PLPPR1: variants seen among roughly 807,000 people sequenced by gnomAD.
PLPPR1 encodes the protein phospholipid phosphatase related 1.
A neutral mutation model predicts 33.1 loss-of-function variants in PLPPR1; 10 were observed. The observed-to-expected ratio is 0.30, with a 90% CI of 0.19 to 0.51. The LOEUF (loss-of-function observed/expected upper bound fraction) is 0.51, where lower values mean the gene tolerates loss of function less well. Ranked by LOEUF, PLPPR1 falls within the 20% of genes least tolerant of loss-of-function variation. PLPPR1 has a pLI of 0.97. For missense variants in PLPPR1, 304 were observed against 408.1 expected, an observed-to-expected ratio of 0.74 and a Z score of 2.20; for synonymous variants, 151 against 151.0, an observed-to-expected ratio of 1.00 and a Z score of 0.00.
intron 5 of PLPPR1, among the ~76,000 whole-genome samples, chr9:101,310,047 G>T (rs764616577): frequency 6.6e-6 from 1 of 152,098 alleles, no homozygotes. Flanking sequence ...CCCCCAGATC[G>T]CACAGCCATT....
At chr9:101,126,512 C>T (rs1831248226) in intron 1 of PLPPR1, among the ~76,000 whole-genome samples, 1 of 152,186 alleles carries the variant, frequency 6.6e-6, no homozygotes, top group South Asian at 2.1e-4. Context: ...TGTAAGGGCA[C>T]TGACTGTGCC....
At chr9:101,089,215 A>C (rs1012506233) in intron 1 of PLPPR1, among the ~76,000 whole-genome samples, 2 of 152,148 alleles carry the variant, frequency 1.3e-5, no homozygotes, top group African/African-American at 4.8e-5. Context: ...TTCTCATTTT[A>C]CAGATTATTA....
chr9:101,208,017 C>G (rs1826620873), intron 2 of PLPPR1, among the ~76,000 whole-genome samples: 1 of 152,188 alleles, frequency 6.6e-6, no homozygotes, highest in African/African-American at 2.4e-5. Flanking sequence ...TCTGGTAACA[C>G]TGGGATCACA....
In PLPPR1 at chr9:101,265,791, T is replaced by A. The variant is rs185290266; in HGVS notation, c.64-4089T>A. ...GCAGGCGGATCACGAGGTCAGAAGT[T>A]CGAGGCCAGCCTGGCCAACATAGTG... On this transcript the variant is annotated intron_variant, in intron 2 of 7. Transcript: ENST00000374874. Among the ~76,000 whole-genome samples the A allele has an allele frequency of 8.0e-5, 12 of 150,462 alleles. No individual in the cohort carries two copies. In the East Asian group the frequency reaches 2.4e-3, roughly 31 times the overall value.
intron 2 of PLPPR1, among the ~76,000 whole-genome samples, chr9:101,199,142 C>T (rs1242718586): frequency 6.6e-6 from 1 of 152,158 alleles, no homozygotes; most frequent in Admixed American, 6.5e-5. Context: ...GTCATGGCCC[C>T]AGTGCTCTCA....
intron 1 of PLPPR1, among the ~76,000 whole-genome samples, chr9:101,148,859 A>G (rs1195017931): frequency 6.6e-6 from 1 of 151,830 alleles, no homozygotes; most frequent in Non-Finnish European, 1.5e-5. Context: ...CTTTATTCCC[A>G]CAATTCCGTC....
chr9:101,075,385 T>C (rs1402580931), intron 1 of PLPPR1, among the ~76,000 whole-genome samples: 1 of 152,258 alleles, frequency 6.6e-6, no homozygotes, highest in Non-Finnish European at 1.5e-5. Context: ...CTATATTCAT[T>C]CTCTGATTAG....
At chr9:101,146,370 C>T (rs1831522005) in intron 1 of PLPPR1, among the ~76,000 whole-genome samples, 1 of 152,138 alleles carries the variant, frequency 6.6e-6, no homozygotes. Context: ...TATAAGGATA[C>T]CTGATATTAA....
rs770611688 is a variant in PLPPR1 at position 101,185,561 on chromosome 9, T to C, written c.63+4T>C. 28 of 1,595,296 alleles carry C rather than the reference T, an allele frequency of 1.8e-5. No individual in the cohort carries two copies. The highest frequency in any genetic ancestry group is 3.4e-5 in the Admixed American group (2 of 58,938). ...CCCGTGTTTTATATTTGTTGAGGTA[T>C]GTGTATTTTTTAACCTTTATGGACA... On this transcript the variant is annotated splice_donor_region_variant and intron_variant, in intron 2 of 7. Transcript: ENST00000374874.
intron 7 of PLPPR1, among the ~76,000 whole-genome samples, chr9:101,319,998 C>A: frequency 6.6e-6 from 1 of 152,158 alleles, no homozygotes; most frequent in East Asian, 1.9e-4. Flanking sequence ...TCTCTTAATT[C>A]TCAGGGCCAC....
At chr9:101,206,367 A>G (rs1318338825) in intron 2 of PLPPR1, among the ~76,000 whole-genome samples, 4 of 152,192 alleles carry the variant, frequency 2.6e-5, no homozygotes, top group Non-Finnish European at 5.9e-5. Flanking sequence ...TCCTTTGAGT[A>G]CAGATTATGC....
chr9:101,301,158 A>G (rs1828744159), intron 4 of PLPPR1, among the ~76,000 whole-genome samples: 1 of 152,220 alleles, frequency 6.6e-6, no homozygotes. Flanking sequence ...ATCATGAGTA[A>G]TTACAATGAC....
At chr9:101,204,549 C>T (rs931673782) in intron 2 of PLPPR1, among the ~76,000 whole-genome samples, 5 of 151,998 alleles carry the variant, frequency 3.3e-5, no homozygotes, top group East Asian at 1.9e-4. Context: ...CTGCTGTTTC[C>T]GTATATTGAG....
At chr9:101,036,888 G>A (rs377756162) in intron 1 of PLPPR1, among the ~76,000 whole-genome samples, 22 of 152,198 alleles carry the variant, frequency 1.4e-4, no homozygotes, top group African/African-American at 3.9e-4. Flanking sequence ...TTTGACAGCT[G>A]AGTAAACCAA....
intron 1 of PLPPR1, among the ~76,000 whole-genome samples, chr9:101,084,589 A>G (rs571383560): frequency 6.6e-6 from 1 of 152,238 alleles, no homozygotes; most frequent in Admixed American, 6.5e-5. Flanking sequence ...CCAGAGCTTC[A>G]TAGAGGGAGT....
chr9:101,076,318 A>G (rs1165479087), intron 1 of PLPPR1, among the ~76,000 whole-genome samples: 1 of 152,100 alleles, frequency 6.6e-6, no homozygotes, highest in Non-Finnish European at 1.5e-5. Context: ...CAAGCAAAAG[A>G]CTGAAATAAT....
At chr9:101,108,113 G>C (rs533130166) in intron 1 of PLPPR1, among the ~76,000 whole-genome samples, 1 of 146,752 alleles carries the variant, frequency 6.8e-6, no homozygotes, top group Non-Finnish European at 1.5e-5. Flanking sequence ...CGTCTTCTGC[G>C]TCGCTCACGC....
At chr9:101,199,787 T>C (rs1371809303) in intron 2 of PLPPR1, among the ~76,000 whole-genome samples, 1 of 152,204 alleles carries the variant, frequency 6.6e-6, no homozygotes, top group South Asian at 2.1e-4. Context: ...ACTAGCACAC[T>C]TTTTTCATAC....
chr9:101,210,283 A>T (rs1826666781), intron 2 of PLPPR1, among the ~76,000 whole-genome samples: 1 of 152,238 alleles, frequency 6.6e-6, no homozygotes, highest in Non-Finnish European at 1.5e-5. Context: ...TGCAGAGATC[A>T]TCTGGTATAA....
Sources: allele counts gnomAD v4.1 joint callset (sites outside exome capture counted in the v4.1 genomes callset), GRCh38; gene constraint gnomAD v4.1.1; transcripts MANE v1.5; gene names NCBI Gene and HGNC (gene_info 2026-07-23, HGNC 2026-07-21).